TMEM60: variants seen among roughly 807,000 people sequenced by gnomAD.
TMEM60 encodes transmembrane protein 60, also known as chromosome 7 open reading frame 35.
In TMEM60, 4 loss-of-function variants were observed where a neutral mutation model predicts 10.7. That is an observed-to-expected ratio of 0.37 (90% CI 0.18 to 0.86). The LOEUF (loss-of-function observed/expected upper bound fraction) is 0.86, where lower values mean the gene tolerates loss of function less well. Among genes scored for constraint, TMEM60 ranks in the 40% least tolerant of loss-of-function variants. The probability of loss-of-function intolerance (pLI) is 0.43; values close to 1 mark genes in which losing one functional copy is unlikely to be tolerated. For synonymous variants in TMEM60, 56 were observed against 58.1 expected, an observed-to-expected ratio of 0.96 and a Z score of 0.17; for missense variants, 128 against 153.4, an observed-to-expected ratio of 0.83 and a Z score of 0.88.
chr7:77,797,145 G>C (rs1792190382), intron 1 of TMEM60, among the ~76,000 whole-genome samples: 1 of 152,138 alleles, frequency 6.6e-6, no homozygotes, highest in African/African-American at 2.4e-5. Flanking sequence ...AATAACCATG[G>C]ATGGATTTCA....
In TMEM60 at chr7:77,794,283, C is replaced by T. The variant is rs150991707; in HGVS notation, c.91G>A (p.Ala31Thr). ...AATATGAGGAACCAGTTCCAAGGTG[C>T]TTTCTCATCCAGTTTCAACACCAAC... ...IMLVLKLDEK[A>T]PWNWFLIFIP... is the part of the protein sequence containing the mutation. The change falls in exon 2 of 2, where the codon GCA becomes ACA. Residue 31 changes from alanine (A) to threonine (T), a missense_variant. By Grantham distance (58) the Ala-to-Thr change is moderately conservative. Transcript: ENST00000257663. 1.7e-5 allele frequency: 28 copies of T among 1,613,206 alleles called. No individual in the cohort carries two copies. The highest frequency in any genetic ancestry group is 2.7e-5 in the African/African-American group (2 of 74,802).
chr7:77,794,842 T>C (rs1397321492), intron 1 of TMEM60, among the ~76,000 whole-genome samples: 1 of 152,072 alleles, frequency 6.6e-6, no homozygotes, highest in Non-Finnish European at 1.5e-5. Flanking sequence ...GGTATCAAGC[T>C]GAGAAGAGAG....
At chr7:77,794,876 G>A (rs926355439) in intron 1 of TMEM60, among the ~76,000 whole-genome samples, 7 of 152,158 alleles carry the variant, frequency 4.6e-5, no homozygotes, top group African/African-American at 1.4e-4. Context: ...AAGGGAATGG[G>A]AAGGGTGCGT....
At chr7:77,797,721 T>G (rs951307277) in intron 1 of TMEM60, among the ~76,000 whole-genome samples, 4 of 152,216 alleles carry the variant, frequency 2.6e-5, no homozygotes, top group Admixed American at 6.5e-5. Flanking sequence ...TACCCCTGTA[T>G]GGACATATAT....
At chr7:77,795,514 T>A (rs1203376712) in intron 1 of TMEM60, among the ~76,000 whole-genome samples, 1 of 150,366 alleles carries the variant, frequency 6.7e-6, no homozygotes. Flanking sequence ...GACCACTGTC[T>A]AAAAAAAAAA....
chr7:77,795,039 C>T (rs1792153268), intron 1 of TMEM60, among the ~76,000 whole-genome samples: 1 of 152,088 alleles, frequency 6.6e-6, no homozygotes, highest in South Asian at 2.1e-4. Context: ...CTTGTAGTCG[C>T]AGCTACTGAG....
At chr7:77,796,809 C>A (rs747539769) in intron 1 of TMEM60, among the ~76,000 whole-genome samples, 4 of 152,178 alleles carry the variant, frequency 2.6e-5, no homozygotes, top group Non-Finnish European at 4.4e-5. Context: ...CCTAGATTAG[C>A]GTGCTCAATT....
chr7:77,794,479 TC>T (rs936318488), intron 1 of TMEM60, 56 bp from the exon 2 acceptor site: 2 of 1,204,522 alleles, frequency 1.7e-6, no homozygotes, highest in African/African-American at 1.6e-5. Flanking sequence ...AAGTATCACT[TC>T]CATTCCTAAT....
rs528252977 is a variant in TMEM60 at position 77,797,659 on chromosome 7, A to G, written c.-51+595T>C. Among the ~76,000 whole-genome samples the G allele has an allele frequency of 3.3e-5, 5 of 152,304 alleles. No individual in the cohort carries two copies. In the South Asian group the frequency reaches 1.0e-3, roughly 32 times the overall value. On this transcript the variant is annotated intron_variant, in intron 1 of 1. Coordinates refer to ENST00000257663, the MANE Select transcript of TMEM60 (RefSeq NM_032936.4). The stretch of plus-strand genomic sequence containing the variant: ...GGTGGTTATTTCTGGCACTAGGAAG[A>G]CAGTTAAATATTTGTTAATGATTCC...
chr7:77,795,882 C>T (rs546493988), intron 1 of TMEM60, among the ~76,000 whole-genome samples: 10 of 151,968 alleles, frequency 6.6e-5, no homozygotes, highest in Admixed American at 2.6e-4. Context: ...TAGTGTTGCT[C>T]TAGGAATGTA....
chr7:77,794,439 A>G lies in TMEM60; in HGVS notation c.-50-16T>C, dbSNP rs1270450943. Reference sequence around the variant, plus strand: ...GAAATATACCCTAAGAGAAGGAGAAAAAGTCAAGATTGTTTTGATACCAGA... The same window carrying G: ...GAAATATACCCTAAGAGAAGGAGAAGAAGTCAAGATTGTTTTGATACCAGA... On this transcript the variant is annotated splice_polypyrimidine_tract_variant and intron_variant, in intron 1 of 1. Coordinates refer to ENST00000257663, the MANE Select transcript of TMEM60 (RefSeq NM_032936.4). The G allele has an allele frequency of 7.1e-7, 1 of 1,401,680 alleles. No homozygotes were observed. The highest frequency in any genetic ancestry group is 9.3e-7 in the Non-Finnish European group (1 of 1,073,566). 86.8% of individuals were successfully genotyped at this position (1,401,680 alleles called of 1,614,324 possible).
intron 1 of TMEM60, among the ~76,000 whole-genome samples, chr7:77,794,846 A>G (rs1461678296): frequency 6.6e-6 from 1 of 152,170 alleles, no homozygotes; most frequent in African/African-American, 2.4e-5. Flanking sequence ...TCAAGCTGAG[A>G]AGAGAGAGAG....
chr7:77,794,494 C>A, intron 1 of TMEM60, 71 bp from the exon 2 acceptor site: 1 of 1,037,842 alleles, frequency 9.6e-7, no homozygotes, highest in Non-Finnish European at 1.3e-6. Flanking sequence ...TCCTAATGAA[C>A]AAAACTGGTT....
Position 77,793,881 on chromosome 7 carries a change from G to T in TMEM60, c.*91C>A. ...AAACTACATTTGGTATTTTCCCTCA[G>T]TTCTCTGGTATTCTTGAAGCTTGAC... On this transcript the variant is annotated 3_prime_UTR_variant, in exon 2 of 2. Transcript: ENST00000257663. The T allele has an allele frequency of 1.4e-6, 2 of 1,387,674 alleles. No individual in the cohort carries two copies. Among genetic ancestry groups the T allele is most frequent in the Admixed American group, 5.4e-5 (2 of 36,986 alleles). 86.0% of individuals were successfully genotyped at this position (1,387,674 alleles called of 1,614,324 possible). A position where few individuals can be genotyped will look rare whatever the true frequency, so the allele number is the denominator to read the frequency against.
chr7:77,794,885 G>A (rs989124191), intron 1 of TMEM60, among the ~76,000 whole-genome samples: 4 of 152,192 alleles, frequency 2.6e-5, no homozygotes, highest in Non-Finnish European at 4.4e-5. Context: ...GGAAGGGTGC[G>A]TGGCTCATGC....
Position 77,794,183 on chromosome 7 carries a change from C to T in TMEM60, c.191G>A (p.Gly64Asp). ...GTGTGATCCATGTCGAGGGTCAAAG[C>T]CAGACTTACACCGCCCAGCCATTTT... ...IVKMAGRCKS[G>D]FDPRHGSHNI... The change falls in exon 2 of 2, where the codon GGC (glycine) becomes GAC (aspartate). Residue 64 changes from glycine to aspartate, a missense_variant. By Grantham distance (94) the Gly-to-Asp change is moderately conservative (BLOSUM62 -1). Coordinates refer to ENST00000257663, the MANE Select transcript of TMEM60 (RefSeq NM_032936.4). 6.2e-7 allele frequency: 1 copy of T among 1,613,308 alleles called. No homozygotes were observed. Among genetic ancestry groups the T allele is most frequent in the East Asian group, 2.2e-5 (1 of 44,864 alleles).
In TMEM60 at chr7:77,793,870, A is replaced by G. The variant is rs940618518; in HGVS notation, c.*102T>C. 7.7e-6 allele frequency: 10 copies of G among 1,306,678 alleles called. No homozygotes were observed. The Admixed American group carries it at 1.5e-4, about 19-fold the overall frequency. 80.9% of individuals were successfully genotyped at this position (1,306,678 alleles called of 1,614,324 possible). A position where few individuals can be genotyped will look rare whatever the true frequency, so the allele number is the denominator to read the frequency against. On this transcript the variant is annotated 3_prime_UTR_variant, in exon 2 of 2. Transcript: ENST00000257663. ...GAAGTAGTATAAAACTACATTTGGT[A>G]TTTTCCCTCAGTTCTCTGGTATTCT...
At chr7:77,796,265 C>A (rs1328928091) in intron 1 of TMEM60, among the ~76,000 whole-genome samples, 2 of 152,096 alleles carry the variant, frequency 1.3e-5, no homozygotes, top group Non-Finnish European at 2.9e-5. Context: ...CTATTTTGCC[C>A]TTACAGTTTT....
chr7:77,797,742 C>G (rs1330213786), intron 1 of TMEM60, among the ~76,000 whole-genome samples: 1 of 152,198 alleles, frequency 6.6e-6, no homozygotes, highest in African/African-American at 2.4e-5. Flanking sequence ...AGAGCCCCAC[C>G]CACATAGCCC....
Sources: allele counts gnomAD v4.1 joint callset (sites outside exome capture counted in the v4.1 genomes callset), GRCh38; gene constraint gnomAD v4.1.1; transcripts MANE v1.5; gene names NCBI Gene and HGNC (gene_info 2026-07-23, HGNC 2026-07-21).